The following TPD52L1 variants were observed in gnomAD, a reference collection of about 807,000 sequenced individuals.
The protein encoded by TPD52L1 is tumor protein D53.
A neutral mutation model predicts 28.7 loss-of-function variants in TPD52L1; 18 were observed. The observed-to-expected ratio is 0.63, with a 90% CI of 0.43 to 0.93. The LOEUF (loss-of-function observed/expected upper bound fraction) is 0.93, where lower values mean the gene tolerates loss of function less well. Among genes scored for constraint, TPD52L1 ranks in the 40% least tolerant of loss-of-function variants. The pLI, the probability that TPD52L1 is intolerant of heterozygous loss-of-function variation, is 0.00. For missense variants in TPD52L1, 203 were observed against 254.8 expected (o/e 0.80, Z 1.39); for synonymous variants, 75 against 88.8 (o/e 0.84, Z 0.88).
intron 1 of TPD52L1, among the ~76,000 whole-genome samples, chr6:125,213,976 C>T (rs764942757): frequency 1.3e-4 from 20 of 152,098 alleles, no homozygotes; most frequent in Non-Finnish European, 2.5e-4. Context: ...TTGGAACAGC[C>T]GCAGTAGGAA....
chr6:125,197,752 G>T (rs1253503203), intron 1 of TPD52L1, among the ~76,000 whole-genome samples: 2 of 152,136 alleles, frequency 1.3e-5, no homozygotes, highest in Non-Finnish European at 2.9e-5. Flanking sequence ...AATTTTCAGA[G>T]TCTAAAAGAG....
Position 125,220,317 on chromosome 6 carries a change from A to G in TPD52L1, c.135+124A>G, listed in dbSNP as rs542618364. The G allele has an allele frequency of 2.2e-5, 14 of 642,312 alleles. No homozygotes were observed. In the South Asian group the frequency reaches 3.0e-4, roughly 14 times the overall value. 39.8% of individuals were successfully genotyped at this position (642,312 alleles called of 1,614,324 possible). ...TGTTGTCTTTCATTTAATAAAATTT[A>G]TAAATGAATACATTACAAGATGATT... On this transcript the variant is annotated intron_variant, in intron 2 of 6. Transcript: ENST00000534000.
intron 1 of TPD52L1, among the ~76,000 whole-genome samples, chr6:125,205,483 G>C (rs1794064708): frequency 6.6e-6 from 1 of 152,160 alleles, no homozygotes; most frequent in African/African-American, 2.4e-5. Context: ...GCTAGGGATG[G>C]GACCAGGGAG....
chr6:125,219,350 A>G (rs1014420806), intron 1 of TPD52L1, among the ~76,000 whole-genome samples: 10 of 151,972 alleles, frequency 6.6e-5, no homozygotes, highest in Admixed American at 5.9e-4. Context: ...GGCATCAAGA[A>G]CCCCGGCTCT....
At chr6:125,188,617 A>G (rs1432485129) in intron 1 of TPD52L1, among the ~76,000 whole-genome samples, 3 of 152,296 alleles carry the variant, frequency 2.0e-5, no homozygotes, top group Non-Finnish European at 1.5e-5. Context: ...TGTTCTTATT[A>G]TATGCATTCC....
At chr6:125,180,569 TACACACACACAC>T (rs374673277) in intron 1 of TPD52L1, among the ~76,000 whole-genome samples, 3 of 150,146 alleles carry the variant, frequency 2.0e-5, no homozygotes, top group Non-Finnish European at 3.0e-5. Context: ...ATATTATATA[TACACACACACAC>T]ACACACACAC....
chr6:125,238,880 G>A (rs1796442978), intron 3 of TPD52L1, among the ~76,000 whole-genome samples: 1 of 152,212 alleles, frequency 6.6e-6, no homozygotes, highest in African/African-American at 2.4e-5. Flanking sequence ...GTCATCAGTT[G>A]ATGGGCATGT....
intron 2 of TPD52L1, among the ~76,000 whole-genome samples, chr6:125,228,838 A>T (rs1271507264): frequency 5.9e-5 from 9 of 152,196 alleles, no homozygotes; most frequent in Admixed American, 5.9e-4. Flanking sequence ...TCCTAGCAGG[A>T]TACAGGTGAT....
Position 125,263,200 on chromosome 6 carries a change from A to C in TPD52L1, c.*238A>C, listed in dbSNP as rs780174140. 1.5e-5 allele frequency: 8 copies of C among 521,696 alleles called. No homozygotes were observed. The East Asian group carries it at 2.6e-4, about 17-fold the overall frequency. The allele number at this position is 521,696 out of a possible 1,614,324, so 32.3% of individuals were successfully genotyped here. ...GACTGTCACATTTTAAAATGTTCCC[A>C]CTTGAGCAGGTACACAACTGGTCAT... On this transcript the variant is annotated 3_prime_UTR_variant, in exon 7 of 7. Transcript: ENST00000534000.
chr6:125,180,569 T>TAC (rs374673277), intron 1 of TPD52L1, among the ~76,000 whole-genome samples: 371 of 150,254 alleles, frequency 2.5e-3, no homozygotes, highest in South Asian at 8.1e-3. Flanking sequence ...ATATTATATA[T>TAC]ACACACACAC....
chr6:125,156,104 A>C (rs1217555602), intron 1 of TPD52L1, among the ~76,000 whole-genome samples: 1 of 152,174 alleles, frequency 6.6e-6, no homozygotes, highest in Non-Finnish European at 1.5e-5. Context: ...GACTGGATGG[A>C]AACTTTAGGT....
intron 1 of TPD52L1, among the ~76,000 whole-genome samples, chr6:125,208,167 A>G (rs1361609841): frequency 2.0e-5 from 3 of 152,184 alleles, no homozygotes; most frequent in Non-Finnish European, 2.9e-5. Context: ...AGAACAGTAG[A>G]TTATTATACT....
intron 6 of TPD52L1, chr6:125,261,306 G>A (rs1283887516): frequency 6.6e-6 from 1 of 152,130 alleles, no homozygotes; most frequent in African/African-American, 2.4e-5. Flanking sequence ...TTGTAATGAT[G>A]GAACTGCTTT....
intron 1 of TPD52L1, among the ~76,000 whole-genome samples, chr6:125,170,956 C>A (rs1394254192): frequency 1.3e-5 from 2 of 152,102 alleles, no homozygotes; most frequent in South Asian, 2.1e-4. Context: ...CATCCATGAG[C>A]CTTTCGTGGG....
At chr6:125,182,761 C>G (rs923514055) in intron 1 of TPD52L1, among the ~76,000 whole-genome samples, 4 of 152,140 alleles carry the variant, frequency 2.6e-5, no homozygotes, top group African/African-American at 9.7e-5. Context: ...TTAATCTTTT[C>G]CAAACCACAA....
intron 1 of TPD52L1, among the ~76,000 whole-genome samples, chr6:125,174,481 G>A (rs1441441930): frequency 2.0e-5 from 3 of 152,136 alleles, no homozygotes; most frequent in Non-Finnish European, 2.9e-5. Flanking sequence ...TGGCTATCTG[G>A]CCTGCATGCA....
chr6:125,233,036 CT>C (rs1796042382), intron 3 of TPD52L1, among the ~76,000 whole-genome samples: 1 of 152,054 alleles, frequency 6.6e-6, no homozygotes, highest in South Asian at 2.1e-4. Flanking sequence ...GGAAATACAA[CT>C]TTATGGTGGG....
chr6:125,256,656 C>A (rs1562397578), intron 5 of TPD52L1, among the ~76,000 whole-genome samples: 1 of 152,162 alleles, frequency 6.6e-6, no homozygotes, highest in Non-Finnish European at 1.5e-5. Context: ...TAAAAAATGC[C>A]AAGTGGCAAA....
chr6:125,202,789 G>A, intron 1 of TPD52L1, among the ~76,000 whole-genome samples: 1 of 45,060 alleles, frequency 2.2e-5, no homozygotes, highest in Admixed American at 3.0e-4. Flanking sequence ...TTTTGAGACG[G>A]AGCCTTGCTC....
Sources: allele counts gnomAD v4.1 joint callset (sites outside exome capture counted in the v4.1 genomes callset), GRCh38; gene constraint gnomAD v4.1.1; transcripts MANE v1.5; gene names NCBI Gene and HGNC (gene_info 2026-07-23, HGNC 2026-07-21).